Variants in ST6GALNAC5 observed in about 807,000 individuals in gnomAD.
ST6GALNAC5 encodes the protein alpha-N-acetylgalactosaminide alpha-2,6-sialyltransferase 5.
A neutral mutation model predicts 33.6 loss-of-function variants in ST6GALNAC5; 27 were observed. The ratio of observed to expected loss-of-function variants is 0.80; its 90% confidence interval spans 0.59 to 1.11. The LOEUF (loss-of-function observed/expected upper bound fraction) is 1.11, where lower values mean the gene tolerates loss of function less well. Among genes scored for constraint, ST6GALNAC5 ranks in the 50% least tolerant of loss-of-function variants. The pLI, the probability that ST6GALNAC5 is intolerant of heterozygous loss-of-function variation, is 0.00. For missense variants in ST6GALNAC5, 428 were observed against 454.0 expected (o/e 0.94, Z 0.52); for synonymous variants, 194 against 171.2 (o/e 1.13, Z -1.04).
intron 2 of ST6GALNAC5, among the ~76,000 whole-genome samples, chr1:76,966,457 A>C (rs901164759): frequency 1.4e-4 from 22 of 152,344 alleles, no homozygotes; most frequent in African/African-American, 5.3e-4. Context: ...TTGTATCTTG[A>C]GACTTTGCTG....
intron 2 of ST6GALNAC5, among the ~76,000 whole-genome samples, chr1:76,977,720 A>T (rs879890583): frequency 3.3e-5 from 5 of 152,138 alleles, no homozygotes; most frequent in East Asian, 3.8e-4. Context: ...TTATCCATTC[A>T]TCTATGGATA....
chr1:77,055,042 G>T, intron 4 of ST6GALNAC5, among the ~76,000 whole-genome samples: 1 of 151,870 alleles, frequency 6.6e-6, no homozygotes, highest in East Asian at 1.9e-4. Flanking sequence ...CTCCTGGACT[G>T]CTCTCTCCAT....
intron 2 of ST6GALNAC5, among the ~76,000 whole-genome samples, chr1:76,963,807 A>G (rs753224548): frequency 3.3e-5 from 5 of 152,196 alleles, no homozygotes; most frequent in Non-Finnish European, 7.3e-5. Context: ...GGGACTTTGC[A>G]CATGTGATTA....
chr1:77,007,651 T>C (rs1343818390), intron 2 of ST6GALNAC5, among the ~76,000 whole-genome samples: 1 of 152,262 alleles, frequency 6.6e-6, no homozygotes, highest in Non-Finnish European at 1.5e-5. Flanking sequence ...AAAAATATTT[T>C]GGTTAATTAG....
intron 2 of ST6GALNAC5, among the ~76,000 whole-genome samples, chr1:76,870,029 G>A (rs1653463639): frequency 6.6e-6 from 1 of 152,100 alleles, no homozygotes; most frequent in Non-Finnish European, 1.5e-5. Flanking sequence ...CAAAAAAGGA[G>A]GAATCAATTT....
chr1:77,041,312 G>C (rs1651823293), intron 2 of ST6GALNAC5, among the ~76,000 whole-genome samples: 1 of 152,200 alleles, frequency 6.6e-6, no homozygotes, highest in South Asian at 2.1e-4. Flanking sequence ...TTACAGCACA[G>C]TTCTGTCATG....
chr1:76,995,964 C>T (rs1347704507), intron 2 of ST6GALNAC5, among the ~76,000 whole-genome samples: 3 of 152,294 alleles, frequency 2.0e-5, no homozygotes, highest in East Asian at 3.9e-4. Flanking sequence ...TTAGACATTA[C>T]TACCTTTGGA....
At chr1:77,053,340 G>T (rs907830061) in intron 4 of ST6GALNAC5, among the ~76,000 whole-genome samples, 1 of 152,194 alleles carries the variant, frequency 6.6e-6, no homozygotes, top group African/African-American at 2.4e-5. Context: ...GGGCCCATTG[G>T]AATATAGCCT....
intron 2 of ST6GALNAC5, among the ~76,000 whole-genome samples, chr1:76,878,707 G>A (rs1290171294): frequency 6.6e-6 from 1 of 152,186 alleles, no homozygotes; most frequent in Non-Finnish European, 1.5e-5. Context: ...GAAATTTATT[G>A]AGGGGACAGG....
chr1:76,969,767 T>C (rs1648663723), intron 2 of ST6GALNAC5, among the ~76,000 whole-genome samples: 1 of 151,382 alleles, frequency 6.6e-6, no homozygotes, highest in South Asian at 2.1e-4. Flanking sequence ...GGGAGAGACC[T>C]CCCAGTAGTG....
chr1:76,956,600 T>C (rs1647999278), intron 2 of ST6GALNAC5, among the ~76,000 whole-genome samples: 1 of 152,208 alleles, frequency 6.6e-6, no homozygotes, highest in African/African-American at 2.4e-5. Flanking sequence ...CAATATTTAC[T>C]TTGTTCCTAT....
chr1:77,033,728 T>G (rs1232907231), intron 2 of ST6GALNAC5, among the ~76,000 whole-genome samples: 2 of 152,044 alleles, frequency 1.3e-5, no homozygotes, highest in East Asian at 1.9e-4. Flanking sequence ...AAGCAAAGGC[T>G]GGAGACCAGA....
At chr1:77,040,628 C>A (rs954516673) in intron 2 of ST6GALNAC5, among the ~76,000 whole-genome samples, 2 of 152,206 alleles carry the variant, frequency 1.3e-5, no homozygotes, top group African/African-American at 4.8e-5. Context: ...CACCTGCCAA[C>A]CAGTCTCTGT....
intron 2 of ST6GALNAC5, among the ~76,000 whole-genome samples, chr1:76,916,616 G>T (rs1296953597): frequency 6.6e-6 from 1 of 151,950 alleles, no homozygotes; most frequent in Non-Finnish European, 1.5e-5. Context: ...GCTTAATAAG[G>T]AGAAACCACA....
intron 2 of ST6GALNAC5, among the ~76,000 whole-genome samples, chr1:76,954,482 T>G (rs1647875417): frequency 6.6e-6 from 1 of 151,984 alleles, no homozygotes; most frequent in Non-Finnish European, 1.5e-5. Flanking sequence ...ATGGCACACG[T>G]TTACCTGTGT....
chr1:76,867,907 G>A (rs1409392857), intron 1 of ST6GALNAC5, among the ~76,000 whole-genome samples: 3 of 152,098 alleles, frequency 2.0e-5, no homozygotes, highest in African/African-American at 7.2e-5. Context: ...GGGTTGCCTC[G>A]CCTCCTAGAT....
chr1:76,879,839 T>TC (rs146659514), intron 2 of ST6GALNAC5, among the ~76,000 whole-genome samples: 10,649 of 152,226 alleles, frequency 0.07, 813 homozygotes, highest in African/African-American at 0.2. Context: ...CCTCCACACA[T>TC]CCCATTCCAA....
intron 2 of ST6GALNAC5, among the ~76,000 whole-genome samples, chr1:77,021,160 A>G (rs1651040037): frequency 6.6e-6 from 1 of 152,170 alleles, no homozygotes; most frequent in Non-Finnish European, 1.5e-5. Context: ...GAGATGAAAA[A>G]CTTCAAATCA....
chr1:76,965,949 C>T (rs759780167), intron 2 of ST6GALNAC5, among the ~76,000 whole-genome samples: 5 of 152,184 alleles, frequency 3.3e-5, no homozygotes, highest in Non-Finnish European at 4.4e-5. Context: ...GGCCTCTGTT[C>T]TGCTCCATTG....
Sources: allele counts gnomAD v4.1 joint callset (sites outside exome capture counted in the v4.1 genomes callset), GRCh38; gene constraint gnomAD v4.1.1; transcripts MANE v1.5; gene names NCBI Gene and HGNC (gene_info 2026-07-23, HGNC 2026-07-21).